PCDHA7: variants seen among roughly 807,000 people sequenced by gnomAD.
PCDHA7 encodes protocadherin alpha 7, also known as protocadherin alpha-7.
PCDHA7 carries 37 observed loss-of-function variants against 57.2 expected under a neutral mutation model. That is an observed-to-expected ratio of 0.65 (90% CI 0.50 to 0.85). PCDHA7 has a LOEUF of 0.85. Among genes scored for constraint, PCDHA7 ranks in the 40% least tolerant of loss-of-function variants. The probability of loss-of-function intolerance (pLI) is 0.00; values close to 1 mark genes in which losing one functional copy is unlikely to be tolerated. For synonymous variants in PCDHA7, 553 were observed against 558.8 expected (o/e 0.99, Z 0.15); for missense variants, 1,188 against 1,241.8 (o/e 0.96, Z 0.65).
Position 140,858,257 on chromosome 5 carries a change from C to CTG in PCDHA7, c.2355+21520_2355+21521dup, listed in dbSNP as rs1554151340. 2 of 1,596,552 alleles carry CTG rather than the reference C, an allele frequency of 1.3e-6. 1 individual carries two copies. Among genetic ancestry groups the CTG allele is most frequent in the African/African-American group, 2.7e-5 (2 of 74,280 alleles). ...CGCATGTGGGCCGGTGAAGCCCACGCTGGTGTGCTCTAGCGCGGTGGGGAG... is the reference window on the plus strand; with the variant it reads ...CGCATGTGGGCCGGTGAAGCCCACGCTGTGGTGTGCTCTAGCGCGGTGGGGAG... On this transcript the variant is annotated intron_variant, in intron 1 of 3. Coordinates refer to ENST00000525929, the MANE Select transcript of PCDHA7 (RefSeq NM_018910.3).
chr5:140,879,895 G>A (rs1176160335), intron 1 of PCDHA7, among the ~76,000 whole-genome samples: 2 of 152,112 alleles, frequency 1.3e-5, no homozygotes, highest in African/African-American at 4.8e-5. Context: ...TCCTCTCCAT[G>A]TCTCTCTCTA....
chr5:140,899,056 G>A (rs1370417194), intron 1 of PCDHA7, among the ~76,000 whole-genome samples: 1 of 152,062 alleles, frequency 6.6e-6, no homozygotes, highest in Non-Finnish European at 1.5e-5. Context: ...CTGAGACTTT[G>A]CTGAAGTTGC....
intron 1 of PCDHA7, chr5:140,841,697 G>A (rs1777423806): frequency 2.5e-6 from 4 of 1,613,882 alleles, no homozygotes; most frequent in African/African-American, 1.3e-5. Flanking sequence ...GGTGAAGGAT[G>A]TTAATGACAA....
intron 3 of PCDHA7, among the ~76,000 whole-genome samples, chr5:141,000,385 CTCTCTCTCTCTATATA>C (rs1454405199): frequency 1.1e-4 from 7 of 64,984 alleles, no homozygotes; most frequent in African/African-American, 4.8e-4. Flanking sequence ...CTCTCTCTCT[CTCTCTCTCTCTATATA>C]TATATATATA....
intron 1 of PCDHA7, among the ~76,000 whole-genome samples, chr5:140,962,257 A>C (rs915555866): frequency 6.6e-6 from 1 of 152,174 alleles, no homozygotes; most frequent in Admixed American, 6.5e-5. Context: ...AATGAAAAAT[A>C]ATTTTATAAT....
At chr5:140,946,241 T>A (rs797039382) in intron 1 of PCDHA7, among the ~76,000 whole-genome samples, 5 of 152,044 alleles carry the variant, frequency 3.3e-5, no homozygotes, top group African/African-American at 1.2e-4. Context: ...ATGCTCAACA[T>A]CATGAATCAT....
intron 1 of PCDHA7, chr5:140,928,060 T>C: frequency 6.2e-7 from 1 of 1,614,204 alleles, no homozygotes; most frequent in Non-Finnish European, 8.5e-7. Flanking sequence ...GCTGACGGCT[T>C]CCTTTGACAA....
chr5:140,915,328 A>G (rs1554196854), intron 1 of PCDHA7, among the ~76,000 whole-genome samples: 1 of 152,100 alleles, frequency 6.6e-6, no homozygotes. Context: ...CAGTGTTATA[A>G]TATTCTGTGT....
At chr5:140,877,851 A>G in intron 1 of PCDHA7, 1 of 1,546,284 alleles carries the variant, frequency 6.5e-7, no homozygotes, top group South Asian at 1.3e-5. Context: ...TAAGTTATTA[A>G]TATTATTTAG....
At chr5:140,917,650 T>C (rs897307157) in intron 1 of PCDHA7, among the ~76,000 whole-genome samples, 1 of 152,226 alleles carries the variant, frequency 6.6e-6, no homozygotes. Context: ...CCAGCAATAT[T>C]GAGTAGGAAG....
chr5:140,896,137 G>A (rs547993953), intron 1 of PCDHA7, among the ~76,000 whole-genome samples: 16 of 152,260 alleles, frequency 1.1e-4, no homozygotes, highest in African/African-American at 3.1e-4. Flanking sequence ...TTTATCCAGT[G>A]CACCATTGAT....
rs903321831 is a variant in PCDHA7, at chr5:140,926,671, C to A, written c.2356-52278C>A. ...CGGCTCCGCTTTCCCAGACGGCTGC[C>A]CAGCCTCCAGCCTAGCAAGCCCGGC... On this transcript the variant is annotated intron_variant, in intron 1 of 3. Coordinates refer to ENST00000525929, the MANE Select transcript of PCDHA7 (RefSeq NM_018910.3). The A allele has an allele frequency of 3.5e-5, 20 of 579,422 alleles. No homozygotes were observed. The South Asian group carries it at 7.5e-4, about 22-fold the overall frequency. 35.9% of individuals were successfully genotyped at this position (579,422 alleles called of 1,614,324 possible).
chr5:140,860,841 T>C (rs251367), intron 1 of PCDHA7: 102,021 of 152,038 alleles, frequency 0.67, 34,407 homozygotes, highest in Middle Eastern at 0.71. Context: ...AGGTTCACGC[T>C]ATTCTCCTGC....
chr5:140,923,039 A>G (rs998399771), intron 1 of PCDHA7, among the ~76,000 whole-genome samples: 2 of 152,236 alleles, frequency 1.3e-5, no homozygotes, highest in Non-Finnish European at 2.9e-5. Context: ...TACTACATGT[A>G]TAGTATTTAG....
At chr5:140,842,886 C>A in intron 1 of PCDHA7, 1 of 1,594,202 alleles carries the variant, frequency 6.3e-7, no homozygotes, top group East Asian at 2.2e-5. Context: ...GCGCTGCAGC[C>A]GCTGGACCAC....
At chr5:140,870,686 A>G (rs2052295402) in intron 1 of PCDHA7, 2 of 1,612,732 alleles carry the variant, frequency 1.2e-6, no homozygotes, top group African/African-American at 2.7e-5. Flanking sequence ...GAGGAGCTGG[A>G]GCTGCTACAG....
chr5:140,894,374 A>G (rs1449305462), intron 1 of PCDHA7, among the ~76,000 whole-genome samples: 1 of 151,940 alleles, frequency 6.6e-6, no homozygotes, highest in African/African-American at 2.4e-5. Flanking sequence ...AATGGCTCCA[A>G]TTATATTTGT....
chr5:140,999,249 G>A (rs1162368060), intron 3 of PCDHA7, among the ~76,000 whole-genome samples: 1 of 152,066 alleles, frequency 6.6e-6, no homozygotes, highest in Non-Finnish European at 1.5e-5. Context: ...AGTGGGAGTT[G>A]GATTAGTAAA....
At chr5:140,837,699 G>A (rs1405347707) in intron 1 of PCDHA7, among the ~76,000 whole-genome samples, 3 of 146,052 alleles carry the variant, frequency 2.1e-5, no homozygotes, top group Non-Finnish European at 4.5e-5. Flanking sequence ...TTCAAGACAC[G>A]CTCTCACTCC....
Sources: gnomAD v4.1 joint callset for allele counts (sites outside exome capture counted in the v4.1 genomes callset) on GRCh38, gnomAD v4.1.1 for gene constraint, MANE v1.5 for transcripts, NCBI Gene and HGNC (gene_info 2026-07-23, HGNC 2026-07-21) for gene names.